IMMP2L: variants seen among roughly 807,000 people sequenced by gnomAD.
IMMP2L encodes inner mitochondrial membrane peptidase subunit 2.
Under a neutral mutation model 19.3 loss-of-function variants are expected in IMMP2L, and 18 were observed. That is an observed-to-expected ratio of 0.93 (90% CI 0.64 to 1.38). The LOEUF is 1.38. IMMP2L is among the 40% of genes most tolerant of loss of function. The pLI is 0.00. For missense variants in IMMP2L, 233 were observed against 218.2 expected (o/e 1.07, Z -0.43); for synonymous variants, 76 against 73.0 (o/e 1.04, Z -0.21).
At chr7:110,907,558 A>AG (rs75478699) in intron 4 of IMMP2L, among the ~76,000 whole-genome samples, 83,739 of 151,842 alleles carry the variant, frequency 0.55, 24,939 homozygotes, top group East Asian at 0.85. Context: ...GTGGGAAAAC[A>AG]GGATGTAAGT....
At chr7:111,161,864 C>T (rs1805298636) in intron 3 of IMMP2L, among the ~76,000 whole-genome samples, 1 of 152,012 alleles carries the variant, frequency 6.6e-6, no homozygotes, top group African/African-American at 2.4e-5. Flanking sequence ...ATTGACAGGA[C>T]AATTTTTAAG....
At chr7:111,330,261 C>T (rs753895027) in intron 3 of IMMP2L, among the ~76,000 whole-genome samples, 27 of 151,144 alleles carry the variant, frequency 1.8e-4, no homozygotes, top group Non-Finnish European at 3.2e-4. Context: ...ATAAGAGACA[C>T]TGGAAAAATA....
chr7:111,144,951 T>C (rs994144685), intron 3 of IMMP2L, among the ~76,000 whole-genome samples: 1 of 152,130 alleles, frequency 6.6e-6, no homozygotes, highest in Non-Finnish European at 1.5e-5. Context: ...ATCTGAACTG[T>C]AGGTTCAGGG....
At chr7:111,506,409 CCTT>C (rs1844908707) in intron 2 of IMMP2L, among the ~76,000 whole-genome samples, 1 of 151,868 alleles carries the variant, frequency 6.6e-6, no homozygotes, top group African/African-American at 2.4e-5. Flanking sequence ...TCCATATCTT[CCTT>C]CTTTTTTCTT....
chr7:111,173,283 A>G (rs1376522448), intron 3 of IMMP2L, among the ~76,000 whole-genome samples: 1 of 151,616 alleles, frequency 6.6e-6, no homozygotes, highest in East Asian at 1.9e-4. Flanking sequence ...TTTTTCTGAT[A>G]AATTAATTTC....
chr7:110,880,665 A>C (rs906578108), intron 5 of IMMP2L, among the ~76,000 whole-genome samples: 2 of 152,112 alleles, frequency 1.3e-5, no homozygotes, highest in African/African-American at 4.8e-5. Context: ...TCTTACAAGT[A>C]AAATAAAGGC....
intron 3 of IMMP2L, among the ~76,000 whole-genome samples, chr7:111,306,714 G>C: frequency 6.7e-6 from 1 of 150,126 alleles, no homozygotes; most frequent in Non-Finnish European, 1.5e-5. Flanking sequence ...GAGATCTCTT[G>C]ATAAAGTAAT....
chr7:111,273,045 A>G (rs1818642581), intron 3 of IMMP2L, among the ~76,000 whole-genome samples: 1 of 152,130 alleles, frequency 6.6e-6, no homozygotes, highest in Non-Finnish European at 1.5e-5. Flanking sequence ...TGGAAGGTGG[A>G]GGCGGGCAAA....
At chr7:111,071,009 T>C (rs1470458009) in intron 3 of IMMP2L, among the ~76,000 whole-genome samples, 2 of 152,236 alleles carry the variant, frequency 1.3e-5, no homozygotes, top group African/African-American at 2.4e-5. Context: ...AAAGAACTTA[T>C]ATAAATCAAT....
chr7:111,376,125 T>C (rs905428347), intron 3 of IMMP2L, among the ~76,000 whole-genome samples: 1 of 152,108 alleles, frequency 6.6e-6, no homozygotes, highest in African/African-American at 2.4e-5. Context: ...AGAGAAATTA[T>C]GTAGAGTAAC....
intron 3 of IMMP2L, among the ~76,000 whole-genome samples, chr7:111,039,928 G>C (rs576226948): frequency 2.0e-5 from 3 of 152,282 alleles, no homozygotes; most frequent in African/African-American, 7.2e-5. Context: ...CACTTTGGGA[G>C]GCCGAGGCGG....
At chr7:111,378,308 A>G (rs1289955247) in intron 3 of IMMP2L, among the ~76,000 whole-genome samples, 1 of 151,992 alleles carries the variant, frequency 6.6e-6, no homozygotes, top group Non-Finnish European at 1.5e-5. Context: ...CACTCAAAGG[A>G]CCACCCAAAA....
At chr7:111,138,573 CAAAT>C (rs766432640) in intron 3 of IMMP2L, among the ~76,000 whole-genome samples, 50 of 152,286 alleles carry the variant, frequency 3.3e-4, no homozygotes, top group African/African-American at 1.2e-3. Flanking sequence ...TGCAAACAAA[CAAAT>C]GTTATTTCTT....
intron 3 of IMMP2L, among the ~76,000 whole-genome samples, chr7:111,462,698 A>G (rs1840244662): frequency 1.3e-5 from 2 of 152,032 alleles, no homozygotes; most frequent in African/African-American, 4.8e-5. Flanking sequence ...GTGCTTACAG[A>G]CCTAACTAAA....
At chr7:110,979,616 T>TTG (rs1821045535) in intron 3 of IMMP2L, among the ~76,000 whole-genome samples, 1 of 152,014 alleles carries the variant, frequency 6.6e-6, no homozygotes, top group African/African-American at 2.4e-5. Flanking sequence ...AACCTGCACG[T>TTG]TGTGCACATG....
At chr7:110,749,721 G>A (rs10251210) in intron 5 of IMMP2L, among the ~76,000 whole-genome samples, 45,711 of 151,892 alleles carry the variant, frequency 0.3, 7,690 homozygotes, top group African/African-American at 0.46. Flanking sequence ...ACAGGGATGG[G>A]AACATCACAC....
chr7:110,810,706 T>C (rs1801978538), intron 5 of IMMP2L, among the ~76,000 whole-genome samples: 1 of 151,578 alleles, frequency 6.6e-6, no homozygotes, highest in African/African-American at 2.4e-5. Context: ...AGTGGCAGAG[T>C]TTGAAGCTTG....
At chr7:111,464,891 C>T (rs1437905269) in intron 3 of IMMP2L, among the ~76,000 whole-genome samples, 1 of 152,150 alleles carries the variant, frequency 6.6e-6, no homozygotes, top group Non-Finnish European at 1.5e-5. Context: ...CGGGTTCACG[C>T]CATTCTCTCG....
chr7:110,721,418 A>T (rs1469699036), intron 5 of IMMP2L, among the ~76,000 whole-genome samples: 2 of 152,128 alleles, frequency 1.3e-5, no homozygotes, highest in Non-Finnish European at 2.9e-5. Context: ...TCCCTTGCAA[A>T]TGGTTTATCC....
Sources: gnomAD v4.1 joint callset for allele counts (sites outside exome capture counted in the v4.1 genomes callset) on GRCh38, gnomAD v4.1.1 for gene constraint, MANE v1.5 for transcripts, NCBI Gene and HGNC (gene_info 2026-07-23, HGNC 2026-07-21) for gene names.